Variants in CELF6 observed in about 807,000 individuals in gnomAD.
The protein encoded by CELF6 is Bruno -like 6, RNA binding protein.
A neutral mutation model predicts 53.1 loss-of-function variants in CELF6; 32 were observed. The ratio of observed to expected loss-of-function variants is 0.60; its 90% confidence interval spans 0.46 to 0.81. The LOEUF (loss-of-function observed/expected upper bound fraction) is 0.81, where lower values mean the gene tolerates loss of function less well. Among genes scored for constraint, CELF6 ranks in the 30% least tolerant of loss-of-function variants. CELF6 has a pLI of 0.00. For missense variants in CELF6, 539 were observed against 669.5 expected (o/e 0.81, Z 2.15); for synonymous variants, 291 against 288.8 (o/e 1.01, Z -0.08).
intron 3 of CELF6, among the ~76,000 whole-genome samples, chr15:72,298,734 C>T (rs1474713129): frequency 1.3e-5 from 2 of 152,226 alleles, no homozygotes; most frequent in South Asian, 2.1e-4. Flanking sequence ...CCTATAAGAT[C>T]GGTACTTATA....
Position 72,288,481 on chromosome 15 carries a change from G to T in CELF6, c.1175-30C>A. On this transcript the variant is annotated intron_variant, in intron 10 of 12. Coordinates refer to ENST00000287202, the MANE Select transcript of CELF6 (RefSeq NM_052840.5). The surrounding 1 kb of genome is among the most constrained non-coding windows in gnomAD (Gnocchi z 4.6). ...AGGAACAGTAGCAAGCTGGTTCAGG[G>T]GAAGGACCCTGAGTCCAGCCCCACC... 4 of 1,614,118 alleles carry T rather than the reference G, an allele frequency of 2.5e-6. No individual in the cohort carries two copies. Among genetic ancestry groups the T allele is most frequent in the Non-Finnish European group, 2.5e-6 (3 of 1,179,974 alleles).
At chr15:72,306,426 A>C in intron 2 of CELF6, 1 of 372,928 alleles carries the variant, frequency 2.7e-6, no homozygotes, top group Non-Finnish European at 3.7e-6. Context: ...CGTTGCCGAG[A>C]CAACAGGCAG....
chr15:72,309,390 G>A (rs1328832281), intron 2 of CELF6, among the ~76,000 whole-genome samples: 2 of 152,214 alleles, frequency 1.3e-5, no homozygotes, highest in African/African-American at 2.4e-5. Flanking sequence ...TTTAACAGAT[G>A]TGTAGGAAGA....
chr15:72,287,276 G>A lies in CELF6; in HGVS notation c.1435C>T (p.Arg479Trp), dbSNP rs145685721. 23 of 1,613,898 alleles carry A rather than the reference G, an allele frequency of 1.4e-5. No individual in the cohort carries two copies. Among genetic ancestry groups the A allele is most frequent in the Non-Finnish European group, 1.9e-5 (23 of 1,179,960 alleles). ...VQLKRPKDAN[R>W]PY The stretch of plus-strand genomic sequence containing the variant: ...TCAGTGAAAGCAGGTCAGTAAGGCC[G>A]GTTGGCATCCTTGGGCCGCTTTAGC... Residue 479 changes from arginine (R) to tryptophan (W), a missense_variant, in exon 12 of 13, where the codon CGG (arginine) becomes TGG (tryptophan). Around this residue, in one of 3 missense-constraint regions of CELF6, gnomAD observed 358 missense variants for 412.8 expected, o/e 0.87. Transcript: ENST00000287202.
chr15:72,314,589 G>GTTTTTTTTTTTTTTTTTTTTTTT (rs984879836), intron 2 of CELF6, among the ~76,000 whole-genome samples: 12 of 97,844 alleles, frequency 1.2e-4, no homozygotes, highest in African/African-American at 4.8e-4. Flanking sequence ...AAAACCCAGT[G>GTTTTTTTTTTTTTTTTTTTTTTT]TTTTTTTTTT....
chr15:72,302,366 T>C (rs2088170271), intron 3 of CELF6, among the ~76,000 whole-genome samples: 1 of 152,220 alleles, frequency 6.6e-6, no homozygotes, highest in African/African-American at 2.4e-5. Flanking sequence ...GAAATATCTG[T>C]GTAACACAAC....
intron 3 of CELF6, among the ~76,000 whole-genome samples, chr15:72,304,091 G>A (rs566578278): frequency 6.6e-5 from 10 of 151,980 alleles, no homozygotes; most frequent in African/African-American, 2.4e-4. Context: ...GGCTGGTCTC[G>A]AACTCTTGGC....
At chr15:72,291,302 C>T (rs930324019) in intron 3 of CELF6, among the ~76,000 whole-genome samples, 2 of 152,100 alleles carry the variant, frequency 1.3e-5, no homozygotes, top group Non-Finnish European at 2.9e-5. Context: ...ACTCTGGGAG[C>T]GTGGGGTAGA....
At chr15:72,314,884 C>T (rs1567285834) in intron 2 of CELF6, among the ~76,000 whole-genome samples, 1 of 152,124 alleles carries the variant, frequency 6.6e-6, no homozygotes, top group African/African-American at 2.4e-5. Context: ...CGTGAGCCAC[C>T]GCACTCGGCC....
chr15:72,304,742 T>C lies in CELF6; in HGVS notation c.394+4A>G. On this transcript the variant is annotated splice_donor_region_variant and intron_variant, in intron 3 of 12. Transcript: ENST00000287202. The stretch of plus-strand genomic sequence containing the variant: ...GCCTGAGGTTGGTCAGACAGGGAAG[T>C]TACCTCCTCGGCCCTCACTGGCAGC... 1 of 1,614,064 alleles carries C rather than the reference T, an allele frequency of 6.2e-7. No homozygotes were observed.
At chr15:72,300,460 A>T (rs1202673827) in intron 3 of CELF6, among the ~76,000 whole-genome samples, 2 of 152,186 alleles carry the variant, frequency 1.3e-5, no homozygotes, top group Non-Finnish European at 2.9e-5. Flanking sequence ...CACAAACCTC[A>T]TGTTTATTGA....
chr15:72,310,792 G>A (rs1182430820), intron 2 of CELF6, among the ~76,000 whole-genome samples: 2 of 151,934 alleles, frequency 1.3e-5, no homozygotes, highest in Non-Finnish European at 2.9e-5. Context: ...GTCTGGCCCA[G>A]AGTAATCTTT....
chr15:72,301,799 C>A (rs559594561), intron 3 of CELF6, among the ~76,000 whole-genome samples: 1 of 139,098 alleles, frequency 7.2e-6, no homozygotes, highest in Non-Finnish European at 1.5e-5. Context: ...TGCAGTGGTG[C>A]GATCTTGGCT....
chr15:72,294,913 G>A (rs1227313698), intron 3 of CELF6, among the ~76,000 whole-genome samples: 1 of 144,540 alleles, frequency 6.9e-6, no homozygotes, highest in African/African-American at 2.5e-5. Flanking sequence ...GGGAGGTGGA[G>A]GTTGCAGTGA....
rs376155202 is a variant in CELF6 at position 72,306,334 on chromosome 15, G to A, written c.346-1540C>T. 8 of 981,710 alleles carry A rather than the reference G, an allele frequency of 8.1e-6. No homozygotes were observed. In the African/African-American group the frequency reaches 1.4e-4, roughly 17 times the overall value. The allele number at this position is 981,710 out of a possible 1,614,324, so 60.8% of individuals were successfully genotyped here. ...TACTGATGCCCATCTGGCCTGAGAA[G>A]GTGATGATCTGACCCCCTCCCCTCA... is the stretch of plus-strand genomic sequence containing the variant. On this transcript the variant is annotated intron_variant, in intron 2 of 12. Coordinates refer to ENST00000287202, the MANE Select transcript of CELF6 (RefSeq NM_052840.5).
intron 11 of CELF6, among the ~76,000 whole-genome samples, chr15:72,287,616 G>A (rs1315527023): frequency 6.6e-6 from 1 of 152,210 alleles, no homozygotes; most frequent in African/African-American, 2.4e-5. Flanking sequence ...TGCAGGGTCA[G>A]TGTGTTGATT....
Position 72,319,497 on chromosome 15 carries a change from T to G in CELF6, c.262+116A>C, listed in dbSNP as rs2088400574. On this transcript the variant is annotated intron_variant, in intron 1 of 12. Coordinates refer to ENST00000287202, the MANE Select transcript of CELF6 (RefSeq NM_052840.5). The surrounding 1 kb of genome is among the most constrained non-coding windows in gnomAD (Gnocchi z 5.0). ...GAAGGGGGCTGGGCTGAGGTGGGGC[T>G]GATATTGGACTGGTGTTGGACTGGC... 4 of 1,140,524 alleles carry G rather than the reference T, an allele frequency of 3.5e-6. No homozygotes were observed. Among genetic ancestry groups the G allele is most frequent in the Non-Finnish European group, 4.8e-6 (4 of 833,126 alleles). The allele number at this position is 1,140,524 out of a possible 1,614,324, so 70.7% of individuals were successfully genotyped here.
In CELF6 at chr15:72,289,876, G is replaced by A. The variant is rs895496676; in HGVS notation, c.603+63C>T. 3 of 1,523,216 alleles carry A rather than the reference G, an allele frequency of 2.0e-6. No homozygotes were observed. The highest frequency in any genetic ancestry group is 1.8e-6 in the Non-Finnish European group (2 of 1,138,312). The allele number at this position is 1,523,216 out of a possible 1,614,324, so 94.4% of individuals were successfully genotyped here. On this transcript the variant is annotated intron_variant, in intron 5 of 12. Coordinates refer to ENST00000287202, the MANE Select transcript of CELF6 (RefSeq NM_052840.5). This position sits in a 1 kb window ranked among gnomAD's most constrained non-coding sequence, Gnocchi z 7.6. ...CTTTCGCGGGGCACCGAGCACACTC[G>A]GGGAGGAGAAGCCCGTCCCCACCCC...
chr15:72,304,761 T>C lies in CELF6; in HGVS notation c.379A>G (p.Ser127Gly). 1 of 1,614,176 alleles carries C rather than the reference T, an allele frequency of 6.2e-7. No homozygotes were observed. The highest frequency in any genetic ancestry group is 8.5e-7 in the Non-Finnish European group (1 of 1,180,018). ...GGGAAGTTACCTCCTCGGCCCTCAC[T>C]GGCAGCTGGCTTCACTTGGATCGGA... ...NRPIQVKPAASEGRGEDRKLF... is the reference protein window; with the variant it reads ...NRPIQVKPAAGEGRGEDRKLF... The change falls in exon 3 of 13, where the codon AGT (serine) becomes GGT (glycine). Residue 127 changes from serine (S) to glycine (G), a missense_variant. Transcript: ENST00000287202.
Sources: allele counts gnomAD v4.1 joint callset (sites outside exome capture counted in the v4.1 genomes callset), GRCh38; gene constraint gnomAD v4.1.1; regional missense constraint gnomAD v4.1.1; non-coding constraint Gnocchi (gnomAD v3.1); transcripts MANE v1.5; gene names NCBI Gene and HGNC (gene_info 2026-07-23, HGNC 2026-07-21).